The following TTN variants were observed in gnomAD, a reference collection of about 807,000 sequenced individuals.
TTN encodes titin.
TTN carries 1,525 observed loss-of-function variants against 3,223.0 expected under a neutral mutation model. The ratio of observed to expected loss-of-function variants is 0.47; its 90% CI spans 0.45 to 0.49. TTN has a LOEUF of 0.49. Among genes scored for constraint, TTN ranks in the 20% least tolerant of loss-of-function variants. The pLI, the probability that TTN is intolerant of heterozygous loss-of-function variation, is 0.00. For synonymous variants in TTN, 14,094 were observed against 15,161.0 expected (o/e 0.93, Z 5.17); for missense variants, 40,786 against 43,424.0 (o/e 0.94, Z 5.40).
At position 178,779,267 on chromosome 2, in the gene TTN, T is replaced by G; in HGVS notation, c.3925A>C (p.Thr1309Pro). ...TATCCAGACATCTTGCAATGAAAAG[T>G]GACACCCATCCCCTCAAGAATTCTA... ...NYRILEGMGV[T>P]FHCKMSGYPL... Residue 1309 changes from threonine (T) to proline (P), a missense_variant, in exon 23 of 363, where the codon ACT becomes CCT. Thr to Pro is a conservative substitution (Grantham distance 38). Transcript: ENST00000589042. 11 of 1,613,878 alleles carry G rather than the reference T, an allele frequency of 6.8e-6. No homozygotes were observed. Among genetic ancestry groups the G allele is most frequent in the Non-Finnish European group, 9.3e-6 (11 of 1,179,846 alleles).
In TTN at chr2:178,741,019, C is replaced by T; in HGVS notation, c.12214G>A (p.Ala4072Thr). Residue 4072 changes from alanine (A) to threonine (T), a missense_variant, in exon 48 of 363, where the codon GCA (alanine) becomes ACA (threonine). Transcript: ENST00000589042. ...AAAATGGTGTCTTTTACAAACGTTG[C>T]AATTTCCTGCTCTGAGTCAAGTGCT... ...VEALDSEQEIATFVKDTILKA... is the reference protein window; with the variant it reads ...VEALDSEQEITTFVKDTILKA... 6.2e-7 allele frequency: 1 copy of T among 1,613,912 alleles called. No individual in the cohort carries two copies. Among genetic ancestry groups the T allele is most frequent in the Non-Finnish European group, 8.5e-7 (1 of 1,179,834 alleles).
At chr2:178,595,390 A>C in intron 295 of TTN, 117 bp downstream of exon 295, 1 of 985,318 alleles carries the variant, frequency 1.0e-6, no homozygotes, top group Non-Finnish European at 1.5e-6. Flanking sequence ...TAGTTGTGTG[A>C]TAACTGCTTG....
Position 178,587,233 on chromosome 2 carries a change from A to G in TTN, c.63978T>C (p.His21326=). Reference sequence around the variant, plus strand: ...CATTCCCAGGGACAAGATTGGTTACATGGAAGCTTGTTTTCTTAACTTCTG... The same window carrying G: ...CATTCCCAGGGACAAGATTGGTTACGTGGAAGCTTGTTTTCTTAACTTCTG... ...VTPEVKKTSF[H]VTNLVPGNEY... is the part of the protein sequence containing the mutation. Residue 21326 remains histidine (H), a synonymous_variant, in exon 307 of 363, where the codon CAT becomes CAC. Transcript: ENST00000589042. 1 of 1,613,178 alleles carries G rather than the reference A, an allele frequency of 6.2e-7. No homozygotes were observed. Among genetic ancestry groups the G allele is most frequent in the Non-Finnish European group, 8.5e-7 (1 of 1,179,442 alleles).
chr2:178,602,268 G>T lies in TTN; in HGVS notation c.55120+14C>A, dbSNP rs1327469041. 6.2e-7 allele frequency: 1 copy of T among 1,610,012 alleles called. No homozygotes were observed. Among genetic ancestry groups the T allele is most frequent in the African/African-American group, 1.3e-5 (1 of 74,764 alleles). ...ATCAAAAGAGGAATACATAAACTGA[G>T]TAAGTACTAGTACCTTGAATATCAG... On this transcript the variant is annotated intron_variant, in intron 283 of 362. Coordinates refer to ENST00000589042, the MANE Select transcript of TTN (RefSeq NM_001267550.2).
chr2:178,617,670 A>T (rs1455851555), intron 253 of TTN, 109 bp downstream of exon 253: 1 of 1,467,962 alleles, frequency 6.8e-7, no homozygotes, highest in Non-Finnish European at 9.2e-7. Context: ...CCAAATTTTT[A>T]TGATATTCTA....
intron 227 of TTN, 22 bp from the exon 228 acceptor site, chr2:178,635,326 T>TA: frequency 6.2e-7 from 1 of 1,611,938 alleles, no homozygotes; most frequent in South Asian, 1.1e-5. Flanking sequence ...AGGGATGAAG[T>TA]AACATAATGC....
Position 178,773,741 on chromosome 2 carries a change from C to A in TTN, c.7331-16G>T, listed in dbSNP as rs372580840. The A allele has an allele frequency of 1.5e-4, 249 of 1,614,064 alleles. No individual in the cohort carries two copies. Among genetic ancestry groups the A allele is most frequent in the Non-Finnish European group, 2.0e-4 (237 of 1,179,978 alleles). On this transcript the variant is annotated splice_polypyrimidine_tract_variant and intron_variant, in intron 31 of 362. Transcript: ENST00000589042. Reference sequence around the variant, plus strand: ...ACGTCCACACCTGCAAAATCATACACACACAAGATGAATGAATTTTGTTGA... The same window carrying A: ...ACGTCCACACCTGCAAAATCATACAAACACAAGATGAATGAATTTTGTTGA...
chr2:178,715,746 T>G lies in TTN; in HGVS notation c.25668A>C (p.Glu8556Asp). ...CATCCTGTTTCACAATTCTTGAAGGTTCTAGCTTCTTAATGAACCTGGGTG... is the reference window on the plus strand; with the variant it reads ...CATCCTGTTTCACAATTCTTGAAGGGTCTAGCTTCTTAATGAACCTGGGTG... ...QEPPRFIKKLEPSRIVKQDEF... is the reference protein window; with the variant it reads ...QEPPRFIKKLDPSRIVKQDEF... Residue 8556 changes from glutamate (E) to aspartate (D), a missense_variant, in exon 89 of 363, where the codon GAA (glutamate) becomes GAC (aspartate). Transcript: ENST00000589042. 1.3e-6 allele frequency: 2 copies of G among 1,588,186 alleles called. No homozygotes were observed. Among genetic ancestry groups the G allele is most frequent in the Non-Finnish European group, 1.7e-6 (2 of 1,165,580 alleles).
At position 178,559,824 on chromosome 2, in the gene TTN, C is replaced by T. The variant is rs752764932; in HGVS notation, c.86308G>A (p.Ala28770Thr). The T allele has an allele frequency of 1.2e-6, 2 of 1,610,458 alleles. No individual in the cohort carries two copies. Among genetic ancestry groups the T allele is most frequent in the South Asian group, 1.1e-5 (1 of 90,938 alleles). Reference sequence around the variant, plus strand: ...AAAGGCACAGTCATGGTAAATGAGGCACCAGCCTTGACAATCAAGGTCTTC... The same window carrying T: ...AAAGGCACAGTCATGGTAAATGAGGTACCAGCCTTGACAATCAAGGTCTTC... ...MRKTLIVKAG[A>T]SFTMTVPFRG... The change falls in exon 326 of 363, where the codon GCC becomes ACC. Residue 28770 changes from alanine to threonine, a missense_variant. Physicochemically the swap from Ala to Thr is moderately conservative, Grantham distance 58. Coordinates refer to ENST00000589042, the MANE Select transcript of TTN (RefSeq NM_001267550.2).
rs767731986 is a variant in TTN, at chr2:178,718,120, A to T, written c.24886T>A (p.Ser8296Thr). ...KVDGTPEIRI[S>T]WYKEHTKLRS... Reference sequence around the variant, plus strand: ...AGCTTTGTGTGTTCTTTATACCAAGAAATTCTAATTTCTGGAGTTCCATCC... The same window carrying T: ...AGCTTTGTGTGTTCTTTATACCAAGTAATTCTAATTTCTGGAGTTCCATCC... Residue 8296 changes from serine (S) to threonine (T), a missense_variant, in exon 86 of 363, where the codon TCT becomes ACT. Coordinates refer to ENST00000589042, the MANE Select transcript of TTN (RefSeq NM_001267550.2). 4 of 1,611,582 alleles carry T rather than the reference A, an allele frequency of 2.5e-6. No individual in the cohort carries two copies. The Admixed American group carries it at 6.7e-5, about 27-fold the overall frequency.
chr2:178,726,148 A>G, intron 69 of TTN, 102 bp from the exon 70 acceptor site: 1 of 1,355,504 alleles, frequency 7.4e-7, no homozygotes, highest in Non-Finnish European at 9.8e-7. Flanking sequence ...AGATATTCTA[A>G]TGGGTAAGTA....
intron 112 of TTN, 114 bp downstream of exon 112, chr2:178,698,729 G>T: frequency 1.1e-6 from 1 of 939,514 alleles, no homozygotes; most frequent in Non-Finnish European, 1.6e-6. Context: ...TGAAGGGAGA[G>T]GTACCATTTT....
intron 220 of TTN, 53 bp downstream of exon 220, chr2:178,641,188 A>T: frequency 8.2e-7 from 1 of 1,213,924 alleles, no homozygotes; most frequent in Non-Finnish European, 1.2e-6. Context: ...ACCTTTTGTT[A>T]AATGTCCATT....
intron 43 of TTN, among the ~76,000 whole-genome samples, chr2:178,763,797 T>G (rs2089818028): frequency 6.6e-6 from 1 of 152,238 alleles, no homozygotes; most frequent in Non-Finnish European, 1.5e-5. Context: ...AATGTATTAT[T>G]CTTTTGAATT....
At chr2:178,793,567 A>C in intron 8 of TTN, 26 bp from the exon 9 acceptor site, 1 of 1,612,256 alleles carries the variant, frequency 6.2e-7, no homozygotes, top group South Asian at 1.1e-5. Context: ...AAAGGAAGAA[A>C]ACACCTTAAT....
chr2:178,652,212 C>G (rs1190364519), intron 203 of TTN, 33 bp from the exon 204 acceptor site: 12 of 1,612,408 alleles, frequency 7.4e-6, no homozygotes, highest in Non-Finnish European at 1.0e-5. Context: ...CATTGTTAGA[C>G]AAAGTAAAGA....
Position 178,527,554 on chromosome 2 carries a change from A to T in TTN, c.107572T>A (p.Ser35858Thr). ...ATTTCTACAAAGGACTCTTGCATGG[A>T]GGACATGCTTTGGGCAGACATGCTT... ...FASMSAQSMSSMQESFVEMSS... is the reference protein window; with the variant it reads ...FASMSAQSMSTMQESFVEMSS... The change falls in exon 362 of 363, where the codon TCC (serine) becomes ACC (threonine). Residue 35858 changes from serine (S) to threonine (T), a missense_variant. By Grantham distance (58) the Ser-to-Thr change is moderately conservative (BLOSUM62 1). Transcript: ENST00000589042. 1 of 1,614,028 alleles carries T rather than the reference A, an allele frequency of 6.2e-7. No individual in the cohort carries two copies. Among genetic ancestry groups the T allele is most frequent in the Non-Finnish European group, 8.5e-7 (1 of 1,179,880 alleles).
rs774404108 is a variant in TTN, at chr2:178,593,044, G to C, written c.59075C>G (p.Thr19692Arg). 28 of 1,613,258 alleles carry C rather than the reference G, an allele frequency of 1.7e-5. No individual in the cohort carries two copies. Among genetic ancestry groups the C allele is most frequent in the Non-Finnish European group, 2.3e-5 (27 of 1,179,600 alleles). ...AGTTAGATCGACTGAATTGCATGTT[G>C]TATCTATTGCTTCAGGATTAACAGG... ...SPPVNPEAID[T>R]TCNSVDLTWQ... The change falls in exon 300 of 363, where the codon ACA becomes AGA. Residue 19692 changes from threonine to arginine, a missense_variant. Physicochemically the swap from Thr to Arg is moderately conservative, Grantham distance 71. Transcript: ENST00000589042.
Position 178,714,137 on chromosome 2 carries a change from C to G in TTN, c.26521G>C (p.Val8841Leu), listed in dbSNP as rs2154297041. The G allele has an allele frequency of 6.2e-7, 1 of 1,613,252 alleles. No individual in the cohort carries two copies. Among genetic ancestry groups the G allele is most frequent in the Non-Finnish European group, 8.5e-7 (1 of 1,179,548 alleles). The change falls in exon 92 of 363, where the codon GTT becomes CTT. Residue 8841 changes from valine to leucine, a missense_variant. By Grantham distance (32) the Val-to-Leu change is conservative (BLOSUM62 1). Coordinates refer to ENST00000589042, the MANE Select transcript of TTN (RefSeq NM_001267550.2). ...AAGGTACAGGTGTCTCCCGTGGTAA[C>G]TTTTATGGATTCTGGCTTTTCTACA... ...TIVEKPESIK[V>L]TTGDTCTLEC...
Sources: allele counts gnomAD v4.1 joint callset (sites outside exome capture counted in the v4.1 genomes callset), GRCh38; gene constraint gnomAD v4.1.1; transcripts MANE v1.5; gene names NCBI Gene and HGNC (gene_info 2026-07-23, HGNC 2026-07-21).